The following TMEM154 variants were observed in gnomAD, a reference collection of about 807,000 sequenced individuals.
The protein encoded by TMEM154 is transmembrane protein 154.
In TMEM154, 27 loss-of-function variants were observed where a neutral mutation model predicts 24.5. The ratio of observed to expected loss-of-function variants is 1.10; its 90% CI spans 0.81 to 1.52. The LOEUF is 1.52. TMEM154 is among the 40% of genes most tolerant of loss of function. TMEM154 has a pLI of 0.00. For synonymous variants in TMEM154, 67 were observed against 76.8 expected (o/e 0.87, Z 0.67); for missense variants, 228 against 213.4 (o/e 1.07, Z -0.43).
chr4:152,660,482 T>C (rs1728580672), intron 1 of TMEM154, among the ~76,000 whole-genome samples: 2 of 152,034 alleles, frequency 1.3e-5, no homozygotes, highest in South Asian at 4.1e-4. Flanking sequence ...ATCTCTATGC[T>C]CTGCCTTGTA....
chr4:152,668,675 T>C (rs528790755), intron 1 of TMEM154: 4 of 152,210 alleles, frequency 2.6e-5, no homozygotes, highest in South Asian at 4.2e-4. Flanking sequence ...AAGTTAAAGA[T>C]AGGAAACCAG....
intron 1 of TMEM154, among the ~76,000 whole-genome samples, chr4:152,674,159 T>C (rs1728906327): frequency 6.6e-6 from 1 of 152,080 alleles, no homozygotes; most frequent in Non-Finnish European, 1.5e-5. Flanking sequence ...TATTTTTAAA[T>C]GCTTAGAGGA....
chr4:152,644,555 C>T, intron 3 of TMEM154, 113 bp from the exon 4 acceptor site: 1 of 1,051,944 alleles, frequency 9.5e-7, no homozygotes, highest in African/African-American at 1.6e-5. Context: ...CATTAAGTAA[C>T]ATTTTTAAAG....
chr4:152,637,859 T>A (rs1197112413), intron 6 of TMEM154, among the ~76,000 whole-genome samples: 1 of 152,232 alleles, frequency 6.6e-6, no homozygotes, highest in African/African-American at 2.4e-5. Flanking sequence ...AAACATTTTA[T>A]GGATTATCAA....
At chr4:152,628,591 A>C (rs1205388653) in intron 6 of TMEM154, 30 bp from the exon 7 acceptor site, 208 of 633,768 alleles carry the variant, frequency 3.3e-4, no homozygotes, top group Middle Eastern at 1.6e-3. Flanking sequence ...AAAAAAAAAA[A>C]ACAAAAAAAA....
chr4:152,628,405 G>T lies in TMEM154; in HGVS notation c.*141C>A. On this transcript the variant is annotated 3_prime_UTR_variant, in exon 7 of 7. Coordinates refer to ENST00000304385, the MANE Select transcript of TMEM154 (RefSeq NM_152680.3). ...GATGCCATCATTAGGAAGAGTGGGC[G>T]TTGGAAGAAACAGCAAAAGGTTCTT... The T allele has an allele frequency of 4.4e-6, 6 of 1,366,334 alleles. No individual in the cohort carries two copies. The African/African-American group carries it at 5.8e-5, about 13-fold the overall frequency. The allele number at this position is 1,366,334 out of a possible 1,614,324, so 84.6% of individuals were successfully genotyped here. A position where few individuals can be genotyped will look rare whatever the true frequency, so the allele number is the denominator to read the frequency against.
intron 3 of TMEM154, among the ~76,000 whole-genome samples, chr4:152,645,166 A>G (rs566480239): frequency 3.9e-5 from 6 of 152,190 alleles, no homozygotes; most frequent in African/African-American, 1.4e-4. Context: ...CAAAGTACAA[A>G]GGGGCAGGGA....
intron 6 of TMEM154, among the ~76,000 whole-genome samples, chr4:152,629,329 C>T (rs1751988573): frequency 2.6e-5 from 4 of 152,192 alleles, no homozygotes; most frequent in Admixed American, 6.5e-5. Context: ...TTGTTCATAC[C>T]TACAAAGGAG....
chr4:152,674,525 C>T (rs187250500), intron 1 of TMEM154, among the ~76,000 whole-genome samples: 32 of 152,224 alleles, frequency 2.1e-4, no homozygotes, highest in African/African-American at 6.7e-4. Context: ...GCTCCACTGC[C>T]GGCTCTGGTC....
intron 1 of TMEM154, among the ~76,000 whole-genome samples, chr4:152,676,173 C>T (rs1241110833): frequency 6.6e-6 from 1 of 152,216 alleles, no homozygotes; most frequent in Non-Finnish European, 1.5e-5. Context: ...TCCCTTCCTC[C>T]TCAGCAGTCT....
At chr4:152,652,969 A>G (rs1474950590) in intron 1 of TMEM154, 42 bp from the exon 2 acceptor site, 1 of 1,526,700 alleles carries the variant, frequency 6.6e-7, no homozygotes, top group African/African-American at 1.4e-5. Context: ...ATGGAGACAA[A>G]GTTAGTATGT....
intron 1 of TMEM154, chr4:152,669,992 A>AT: frequency 6.6e-6 from 1 of 152,340 alleles, no homozygotes; most frequent in African/African-American, 2.4e-5. Flanking sequence ...AAGTTTAGTT[A>AT]TTTTTAAAGT....
intron 1 of TMEM154, among the ~76,000 whole-genome samples, chr4:152,654,358 G>T (rs1327780872): frequency 1.3e-5 from 2 of 152,200 alleles, no homozygotes; most frequent in Non-Finnish European, 2.9e-5. Flanking sequence ...TGCGGTATAG[G>T]TTAGGCAATT....
intron 6 of TMEM154, among the ~76,000 whole-genome samples, chr4:152,636,097 G>A (rs554064078): frequency 6.9e-4 from 105 of 152,266 alleles, no homozygotes; most frequent in African/African-American, 2.4e-3. Flanking sequence ...ATGATAAAAG[G>A]GACTTTTTCT....
At chr4:152,630,249 C>CTGTAGTGA (rs1752009883) in intron 6 of TMEM154, among the ~76,000 whole-genome samples, 1 of 131,890 alleles carries the variant, frequency 7.6e-6, no homozygotes, top group Admixed American at 8.9e-5. Context: ...CCGTTCGAGG[C>CTGTAGTGA]TGTAGTGAGC....
chr4:152,668,872 G>C (rs1044767429), intron 1 of TMEM154: 1 of 152,134 alleles, frequency 6.6e-6, no homozygotes, highest in African/African-American at 2.4e-5. Flanking sequence ...GAAGAATCGT[G>C]GGTCGCATTT....
intron 4 of TMEM154, 96 bp downstream of exon 4, chr4:152,644,319 A>G (rs961940374): frequency 2.2e-6 from 3 of 1,393,582 alleles, no homozygotes; most frequent in East Asian, 4.6e-5. Context: ...AGAGTCCCGC[A>G]AGATGTCAGA....
chr4:152,641,900 A>ATTTTTT (rs1187613841), intron 5 of TMEM154, among the ~76,000 whole-genome samples: 1 of 65,654 alleles, frequency 1.5e-5, no homozygotes, highest in African/African-American at 6.1e-5. Context: ...GGTAGCAATA[A>ATTTTTT]TTCTTTTTTT....
intron 1 of TMEM154, among the ~76,000 whole-genome samples, chr4:152,665,303 G>A (rs1388507293): frequency 6.6e-6 from 1 of 152,160 alleles, no homozygotes; most frequent in African/African-American, 2.4e-5. Flanking sequence ...CTGAAGTTGT[G>A]TCTCACTTCT....
Sources: gnomAD v4.1 joint callset for allele counts (sites outside exome capture counted in the v4.1 genomes callset) on GRCh38, gnomAD v4.1.1 for gene constraint, MANE v1.5 for transcripts, NCBI Gene and HGNC (gene_info 2026-07-23, HGNC 2026-07-21) for gene names.